The following MTHFD2L variants were observed in gnomAD, a reference collection of about 807,000 sequenced individuals.
MTHFD2L encodes the protein methylenetetrahydrofolate dehydrogenase (NADP+ dependent) 2 like.
A neutral mutation model predicts 34.9 loss-of-function variants in MTHFD2L; 29 were observed. The observed-to-expected ratio is 0.83, with a 90% confidence interval of 0.62 to 1.13. The LOEUF is 1.13. Among genes scored for constraint, MTHFD2L ranks in the 50% most tolerant of loss-of-function variants. MTHFD2L has a pLI of 0.00. For synonymous variants in MTHFD2L, 167 were observed against 155.7 expected (o/e 1.07, Z -0.54); for missense variants, 481 against 446.5 (o/e 1.08, Z -0.70).
chr4:74,237,697 G>C (rs1741049597), intron 6 of MTHFD2L, among the ~76,000 whole-genome samples: 1 of 152,162 alleles, frequency 6.6e-6, no homozygotes, highest in Non-Finnish European at 1.5e-5. Flanking sequence ...CATAGGGGAA[G>C]ATGATCCTTT....
At chr4:74,216,380 C>A (rs954393100) in intron 5 of MTHFD2L, among the ~76,000 whole-genome samples, 7 of 151,690 alleles carry the variant, frequency 4.6e-5, no homozygotes, top group Admixed American at 4.6e-4. Context: ...AAATCAGAAT[C>A]ATTAGAAGTA....
At chr4:74,197,452 G>T (rs1733680743) in intron 3 of MTHFD2L, among the ~76,000 whole-genome samples, 1 of 152,082 alleles carries the variant, frequency 6.6e-6, no homozygotes, top group Non-Finnish European at 1.5e-5. Context: ...ACTTAATCTA[G>T]GAATAGTGTT....
chr4:74,226,012 TAAAG>T (rs750212143), intron 6 of MTHFD2L, among the ~76,000 whole-genome samples: 1 of 151,812 alleles, frequency 6.6e-6, no homozygotes, highest in Non-Finnish European at 1.5e-5. Context: ...TTTTTTAACA[TAAAG>T]AAAAAACCCA....
intron 5 of MTHFD2L, among the ~76,000 whole-genome samples, chr4:74,204,751 AG>A (rs1288928341): frequency 6.6e-6 from 1 of 152,188 alleles, no homozygotes; most frequent in Non-Finnish European, 1.5e-5. Flanking sequence ...ATTTTAAACT[AG>A]GTTATCCTGT....
intron 5 of MTHFD2L, among the ~76,000 whole-genome samples, chr4:74,202,985 T>A (rs1382333805): frequency 6.6e-6 from 1 of 152,162 alleles, no homozygotes; most frequent in Non-Finnish European, 1.5e-5. Flanking sequence ...TGTTTTAGGA[T>A]CTTGATTGAC....
intron 5 of MTHFD2L, among the ~76,000 whole-genome samples, chr4:74,225,073 C>T (rs1343903692): frequency 2.6e-5 from 4 of 152,056 alleles, no homozygotes; most frequent in Admixed American, 1.3e-4. Context: ...CTGTGATGAT[C>T]GGCACTTACC....
chr4:74,195,600 C>T (rs1257316004), intron 3 of MTHFD2L: 2 of 152,156 alleles, frequency 1.3e-5, no homozygotes, highest in African/African-American at 4.8e-5. Context: ...ATGGGTTTCC[C>T]ATTATGAACC....
intron 5 of MTHFD2L, among the ~76,000 whole-genome samples, chr4:74,216,124 C>G (rs372973110): frequency 1.3e-5 from 2 of 151,678 alleles, no homozygotes; most frequent in Admixed American, 1.3e-4. Context: ...GAATAATATT[C>G]ATAAAATGCT....
At chr4:74,129,209 T>C (rs187747616) in intron 1 of MTHFD2L, among the ~76,000 whole-genome samples, 1 of 152,106 alleles carries the variant, frequency 6.6e-6, no homozygotes, top group East Asian at 1.9e-4. Context: ...CACAAGAATA[T>C]TCAGGACTTG....
rs754735352 is a variant in MTHFD2L at position 74,199,844 on chromosome 4, G to A, written c.502G>A (p.Val168Ile). The A allele has an allele frequency of 2.5e-6, 4 of 1,613,854 alleles. No individual in the cohort carries two copies. The highest frequency in any genetic ancestry group is 2.5e-6 in the Non-Finnish European group (3 of 1,179,822). ...ICNGIAPEKD[V>I]DGFHIINIGR... is the part of the protein sequence containing the mutation. ...CAATGGAATTGCCCCAGAAAAAGAT[G>A]TAGATGGATTTCATATTATCAATAT... Residue 168 changes from valine (V) to isoleucine (I), a missense_variant, in exon 4 of 8, where the codon GTA (valine) becomes ATA (isoleucine). Physicochemically the swap from Val to Ile is conservative, Grantham distance 29 (BLOSUM62 3). Transcript: ENST00000325278.
intron 6 of MTHFD2L, among the ~76,000 whole-genome samples, chr4:74,253,619 A>G (rs982864565): frequency 1.3e-5 from 2 of 151,972 alleles, no homozygotes; most frequent in African/African-American, 2.4e-5. Context: ...AAGCTAGGCC[A>G]CCTCCCACAA....
chr4:74,264,102 C>A (rs964326920), intron 6 of MTHFD2L, among the ~76,000 whole-genome samples: 1 of 151,990 alleles, frequency 6.6e-6, no homozygotes, highest in African/African-American at 2.4e-5. Context: ...AGTTTTCATA[C>A]TTAATGGTGA....
chr4:74,267,978 C>T (rs1304259280), intron 6 of MTHFD2L: 48 of 985,054 alleles, frequency 4.9e-5, no homozygotes, highest in Non-Finnish European at 5.7e-5. Flanking sequence ...GCTTTGGGGG[C>T]ATTCAGATAT....
chr4:74,114,870 T>C (rs958354634), intron 2 of MTHFD2L, among the ~76,000 whole-genome samples: 4 of 152,200 alleles, frequency 2.6e-5, no homozygotes, highest in Non-Finnish European at 5.9e-5. Context: ...TATGGATTAA[T>C]TCATTTGATT....
intron 1 of MTHFD2L, among the ~76,000 whole-genome samples, chr4:74,136,776 A>T (rs575098135): frequency 9.2e-5 from 14 of 152,302 alleles, no homozygotes; most frequent in African/African-American, 3.4e-4. Flanking sequence ...AAAAACAGAC[A>T]GATAAATAAA....
chr4:74,256,184 T>C (rs1175608788), intron 6 of MTHFD2L, among the ~76,000 whole-genome samples: 1 of 152,196 alleles, frequency 6.6e-6, no homozygotes, highest in East Asian at 1.9e-4. Context: ...TTTTTCATAA[T>C]AGCCATTCTG....
chr4:74,295,046 A>G (rs1038340880), intron 7 of MTHFD2L, among the ~76,000 whole-genome samples: 4 of 152,160 alleles, frequency 2.6e-5, no homozygotes, highest in Non-Finnish European at 4.4e-5. Flanking sequence ...TCATATTACA[A>G]AAATGATCAC....
chr4:74,221,167 A>G (rs1738115164), intron 5 of MTHFD2L, among the ~76,000 whole-genome samples: 1 of 151,102 alleles, frequency 6.6e-6, no homozygotes. Context: ...CTGAGTTGTA[A>G]TCAAATAAAA....
chr4:74,219,662 C>T lies in MTHFD2L; in HGVS notation c.713-5640C>T, dbSNP rs1012692621. Reference sequence around the variant, plus strand: ...CCAGGAACAGGCATCCAGGTGCTCACCAGCAAAGGTCAGAAGAGTCTGAGG... The same window carrying T: ...CCAGGAACAGGCATCCAGGTGCTCATCAGCAAAGGTCAGAAGAGTCTGAGG... On this transcript the variant is annotated intron_variant, in intron 5 of 7. Transcript: ENST00000325278. Among the ~76,000 whole-genome samples the T allele has an allele frequency of 5.3e-5, 8 of 152,210 alleles. No homozygotes were observed. The East Asian group carries it at 1.5e-3, about 29-fold the overall frequency.
Sources: gnomAD v4.1 joint callset for allele counts (sites outside exome capture counted in the v4.1 genomes callset) on GRCh38, gnomAD v4.1.1 for gene constraint, MANE v1.5 for transcripts, NCBI Gene and HGNC (gene_info 2026-07-23, HGNC 2026-07-21) for gene names.